The following RYR3 variants were observed in gnomAD, a reference collection of about 807,000 sequenced individuals.
RYR3 encodes brain ryanodine receptor-calcium release channel.
RYR3 carries 207 observed loss-of-function variants against 584.3 expected under a neutral mutation model. The ratio of observed to expected loss-of-function variants is 0.35; its 90% CI spans 0.32 to 0.40. The LOEUF (loss-of-function observed/expected upper bound fraction) is 0.40, where lower values mean the gene tolerates loss of function less well. Among genes scored for constraint, RYR3 ranks in the 10% least tolerant of loss-of-function variants. The pLI, the probability that RYR3 is intolerant of heterozygous loss-of-function variation, is 1.00. For synonymous variants in RYR3, 2,416 were observed against 2,248.5 expected, an observed-to-expected ratio of 1.07 and a Z score of -2.11; for missense variants, 5,616 against 6,089.2, an observed-to-expected ratio of 0.92 and a Z score of 2.59.
At chr15:33,328,596 A>G (rs1047040224) in intron 1 of RYR3, among the ~76,000 whole-genome samples, 5 of 152,224 alleles carry the variant, frequency 3.3e-5, no homozygotes, top group African/African-American at 1.2e-4. Flanking sequence ...ATAAGCAATT[A>G]TAAGTGCATA....
chr15:33,408,659 C>T (rs946988000), intron 1 of RYR3, among the ~76,000 whole-genome samples: 2 of 152,104 alleles, frequency 1.3e-5, no homozygotes, highest in African/African-American at 2.4e-5. Context: ...TCACTAGCAT[C>T]GGTTTTTTTG....
At chr15:33,314,386 G>A (rs1967789815) in intron 1 of RYR3, among the ~76,000 whole-genome samples, 1 of 152,218 alleles carries the variant, frequency 6.6e-6, no homozygotes, top group Non-Finnish European at 1.5e-5. Flanking sequence ...AAAGCAAGAA[G>A]TTATGGTGAG....
chr15:33,465,778 A>G, intron 1 of RYR3: 1 of 518,940 alleles, frequency 1.9e-6, no homozygotes, highest in South Asian at 1.4e-5. Flanking sequence ...AGATGGTACA[A>G]TCACATATAT....
Position 33,859,727 on chromosome 15 carries a change from T to C in RYR3, c.14295T>C (p.Ile4765=), listed in dbSNP as rs781536047. ...FFVIVILLAI[I]QGLIIDAFGE... ...TCATTGTCATCTTGCTGGCCATCAT[T>C]CAAGGTATGATTGCCAATTGTGTTG... Residue 4765 remains isoleucine (I), a synonymous_variant, in exon 100 of 104, where the codon ATT becomes ATC. Transcript: ENST00000634891. 1 of 1,607,040 alleles carries C rather than the reference T, an allele frequency of 6.2e-7. No individual in the cohort carries two copies. Among genetic ancestry groups the C allele is most frequent in the South Asian group, 1.1e-5 (1 of 89,924 alleles).
rs751443386 is a variant in RYR3 at position 33,771,943 on chromosome 15, A to G, written c.8840A>G (p.Glu2947Gly). 1 of 1,612,588 alleles carries G rather than the reference A, an allele frequency of 6.2e-7. No individual in the cohort carries two copies. The highest frequency in any genetic ancestry group is 8.5e-7 in the Non-Finnish European group (1 of 1,179,306). Residue 2947 changes from glutamate (E) to glycine (G), a missense_variant, in exon 63 of 104, where the codon GAG becomes GGG. Glu to Gly is a moderately conservative substitution (Grantham distance 98, BLOSUM62 -2). Around this residue, in one of 9 missense-constraint regions of RYR3, gnomAD observed 1,280 missense variants for 1,426.2 expected, o/e 0.90. Transcript: ENST00000634891. ...DTRTVMKSGSELVKAGLRAFF... is the reference protein window; with the variant it reads ...DTRTVMKSGSGLVKAGLRAFF... The stretch of plus-strand genomic sequence containing the variant: ...AGGACTGTCATGAAGTCAGGCTCAG[A>G]GCTGGTGAAGGCTGGGTTACGAGCA...
At chr15:33,652,624 T>G in intron 31 of RYR3, 94 bp from the exon 32 acceptor site, 1 of 1,328,898 alleles carries the variant, frequency 7.5e-7, no homozygotes, top group Non-Finnish European at 1.0e-6. Flanking sequence ...TAGGAAAGTT[T>G]CTGTAGCCAT....
At chr15:33,859,498 C>G in intron 99 of RYR3, 77 bp from the exon 100 acceptor site, 1 of 1,534,442 alleles carries the variant, frequency 6.5e-7, no homozygotes, top group Non-Finnish European at 9.0e-7. Context: ...CTGACCGAAT[C>G]ATATGAATGA....
intron 2 of RYR3, among the ~76,000 whole-genome samples, chr15:33,490,997 C>T (rs1283220696): frequency 6.6e-6 from 1 of 152,114 alleles, no homozygotes; most frequent in African/African-American, 2.4e-5. Flanking sequence ...CATCAGTTCT[C>T]ATTTTTGTAT....
At chr15:33,461,362 C>T (rs2048028504) in intron 1 of RYR3, among the ~76,000 whole-genome samples, 2 of 152,170 alleles carry the variant, frequency 1.3e-5, no homozygotes, top group Admixed American at 6.5e-5. Context: ...TCCAGTTTCA[C>T]GGGTACTTTG....
chr15:33,717,826 C>T (rs1459717628), intron 43 of RYR3, among the ~76,000 whole-genome samples: 1 of 152,134 alleles, frequency 6.6e-6, no homozygotes, highest in Non-Finnish European at 1.5e-5. Context: ...GTCTCTAGGT[C>T]AGTTACTAGC....
At chr15:33,733,280 A>G (rs1161871247) in intron 48 of RYR3, among the ~76,000 whole-genome samples, 1 of 152,238 alleles carries the variant, frequency 6.6e-6, no homozygotes, top group African/African-American at 2.4e-5. Context: ...ACTTATGTCC[A>G]TACAAAAACC....
At chr15:33,368,790 C>T (rs1975888666) in intron 1 of RYR3, among the ~76,000 whole-genome samples, 1 of 152,094 alleles carries the variant, frequency 6.6e-6, no homozygotes, top group Admixed American at 6.5e-5. Flanking sequence ...CCTCTTTCAT[C>T]AGGTGGGCTC....
intron 1 of RYR3, among the ~76,000 whole-genome samples, chr15:33,321,380 C>T (rs1317909638): frequency 1.3e-5 from 2 of 152,212 alleles, no homozygotes; most frequent in African/African-American, 4.8e-5. Context: ...GGGCAGTTGT[C>T]CAAGCCTCTG....
chr15:33,462,316 A>C (rs2048103813), intron 1 of RYR3, among the ~76,000 whole-genome samples: 1 of 152,230 alleles, frequency 6.6e-6, no homozygotes, highest in African/African-American at 2.4e-5. Flanking sequence ...CATAAAGGAT[A>C]TTCAAAGAGT....
chr15:33,435,110 G>A (rs1191325313), intron 1 of RYR3, among the ~76,000 whole-genome samples: 1 of 152,014 alleles, frequency 6.6e-6, no homozygotes, highest in Non-Finnish European at 1.5e-5. Context: ...GTGAGCCACC[G>A]TGCCCTGCCA....
intron 16 of RYR3, among the ~76,000 whole-genome samples, chr15:33,596,673 T>C (rs900522418): frequency 2.6e-5 from 4 of 152,208 alleles, no homozygotes; most frequent in Non-Finnish European, 2.9e-5. Flanking sequence ...GTGTGGGGAA[T>C]AGTCAATATC....
At position 33,580,289 on chromosome 15, in the gene RYR3, A is replaced by G. The variant is rs1299645316; in HGVS notation, c.1437+145A>G. On this transcript the variant is annotated intron_variant, in intron 13 of 103. Transcript: ENST00000634891. ...AGAGATTTGGAAGCTGGGAAATTGG[A>G]AGCCAACCTTCCCTGTCCACCAAAC... 1.1e-5 allele frequency: 8 copies of G among 696,448 alleles called. No individual in the cohort carries two copies. In the East Asian group the frequency reaches 2.3e-4, roughly 20 times the overall value. The allele number at this position is 696,448 out of a possible 1,614,324, so 43.1% of individuals were successfully genotyped here.
chr15:33,777,533 A>C (rs953123370), intron 64 of RYR3, among the ~76,000 whole-genome samples: 1 of 151,696 alleles, frequency 6.6e-6, no homozygotes, highest in Non-Finnish European at 1.5e-5. Flanking sequence ...GCTGTTGTTT[A>C]TTTCTTATAA....
chr15:33,736,147 A>G, intron 48 of RYR3, 88 bp from the exon 49 acceptor site: 1 of 829,214 alleles, frequency 1.2e-6, no homozygotes, highest in Non-Finnish European at 2.0e-6. Context: ...CTTGGCTGTA[A>G]TATGCTTATT....
Sources: allele counts gnomAD v4.1 joint callset (sites outside exome capture counted in the v4.1 genomes callset), GRCh38; gene constraint gnomAD v4.1.1; regional missense constraint gnomAD v4.1.1; transcripts MANE v1.5; gene names NCBI Gene and HGNC (gene_info 2026-07-23, HGNC 2026-07-21).